The following NHSL1 variants were observed in gnomAD, a reference collection of about 807,000 sequenced individuals.
The protein encoded by NHSL1 is NHS-like protein 1.
In NHSL1, 48 loss-of-function variants were observed where a neutral mutation model predicts 95.0. The ratio of observed to expected loss-of-function variants is 0.51; its 90% CI spans 0.40 to 0.64. The LOEUF is 0.64. Among genes scored for constraint, NHSL1 ranks in the 30% least tolerant of loss-of-function variants. The probability of loss-of-function intolerance (pLI) is 0.00; values close to 1 mark genes in which losing one functional copy is unlikely to be tolerated. For missense variants in NHSL1, 1,971 were observed against 2,077.7 expected (o/e 0.95, Z 1.00); for synonymous variants, 783 against 833.9 (o/e 0.94, Z 1.05).
chr6:138,584,717 A>T (rs1784107640), intron 1 of NHSL1, among the ~76,000 whole-genome samples: 2 of 152,240 alleles, frequency 1.3e-5, no homozygotes, highest in South Asian at 4.1e-4. Context: ...TACCATGAAG[A>T]TATGCCACCA....
intron 1 of NHSL1, among the ~76,000 whole-genome samples, chr6:138,680,223 A>C (rs1785495948): frequency 6.6e-6 from 1 of 152,208 alleles, no homozygotes; most frequent in Non-Finnish European, 1.5e-5. Flanking sequence ...TTCAGCACAA[A>C]TCTTTGGTCT....
intron 1 of NHSL1, among the ~76,000 whole-genome samples, chr6:138,662,838 A>C (rs1023872821): frequency 1.3e-5 from 2 of 152,164 alleles, no homozygotes; most frequent in Non-Finnish European, 2.9e-5. Context: ...TCATGTACCT[A>C]TACCTGTTGT....
At chr6:138,462,024 A>T (rs1440984129) in intron 3 of NHSL1, among the ~76,000 whole-genome samples, 22 of 152,188 alleles carry the variant, frequency 1.4e-4, no homozygotes, top group Admixed American at 1.4e-3. Context: ...GGAAAGGGTG[A>T]GTCCATTAAG....
chr6:138,582,331 G>A lies in NHSL1; in HGVS notation c.97-85960C>T, dbSNP rs1001537824. On this transcript the variant is annotated intron_variant, in intron 1 of 3. Transcript: ENST00000491526. ...ATCCCTTTTCCCCTGAGGAATAACTGGATGACCATGAATGAGAATGTAAAA... is the reference window on the plus strand; with the variant it reads ...ATCCCTTTTCCCCTGAGGAATAACTAGATGACCATGAATGAGAATGTAAAA... Among the ~76,000 whole-genome samples the A allele has an allele frequency of 2.0e-5, 3 of 151,756 alleles. No homozygotes were observed. In the East Asian group the frequency reaches 5.8e-4, roughly 29 times the overall value.
At chr6:138,560,904 C>T (rs1033309960) in intron 1 of NHSL1, among the ~76,000 whole-genome samples, 9 of 152,100 alleles carry the variant, frequency 5.9e-5, no homozygotes, top group Admixed American at 5.2e-4. Flanking sequence ...GGAACTGTAT[C>T]GACAATAAAA....
chr6:138,590,312 A>T (rs529944007), intron 1 of NHSL1, among the ~76,000 whole-genome samples: 26 of 152,128 alleles, frequency 1.7e-4, no homozygotes, highest in African/African-American at 6.0e-4. Context: ...CATACCTTTC[A>T]TGTTGCTCTG....
rs1432188102 is a variant in NHSL1, at chr6:138,447,083, C to A, written c.450G>T (p.Ser150=). The part of the protein sequence containing the change: ...DLNTQTNWTK[S]LPLPTPEEKM... ...TCTCTTCTGGTGTTGGCAGTGGAAG[C>A]GACTTGGTCCAGTTCGTCTGAGTAT... Residue 150 remains serine (S), a synonymous_variant, in exon 4 of 8, where the codon TCG becomes TCT. Transcript: ENST00000343505. The A allele has an allele frequency of 2.6e-6, 4 of 1,551,546 alleles. No individual in the cohort carries two copies. Among genetic ancestry groups the A allele is most frequent in the South Asian group, 2.4e-5 (2 of 84,054 alleles).
intron 1 of NHSL1, among the ~76,000 whole-genome samples, chr6:138,523,652 A>AG (rs1781784334): frequency 6.7e-6 from 1 of 150,090 alleles, no homozygotes; most frequent in African/African-American, 2.4e-5. Flanking sequence ...AAAAAAAAAA[A>AG]CAGAGCTAAA....
At chr6:138,480,837 A>G (rs1779375684) in intron 2 of NHSL1, among the ~76,000 whole-genome samples, 1 of 152,196 alleles carries the variant, frequency 6.6e-6, no homozygotes, top group Admixed American at 6.5e-5. Flanking sequence ...AGCTAATACT[A>G]CTGACACTTT....
At chr6:138,509,470 C>T (rs1473682849) in intron 1 of NHSL1, among the ~76,000 whole-genome samples, 1 of 152,070 alleles carries the variant, frequency 6.6e-6, no homozygotes, top group Non-Finnish European at 1.5e-5. Context: ...AATCTATACT[C>T]GAAAGGGATT....
intron 1 of NHSL1, among the ~76,000 whole-genome samples, chr6:138,649,607 T>A (rs1785062627): frequency 1.3e-5 from 2 of 152,154 alleles, no homozygotes; most frequent in Non-Finnish European, 2.9e-5. Context: ...GGCATCGCCA[T>A]TAAACAGATG....
intron 2 of NHSL1, among the ~76,000 whole-genome samples, chr6:138,480,927 T>A (rs1335492839): frequency 2.0e-5 from 3 of 152,204 alleles, no homozygotes; most frequent in Non-Finnish European, 4.4e-5. Flanking sequence ...AAGCAGTTAT[T>A]GTATCAGTCT....
chr6:138,506,047 A>C (rs368308163), intron 1 of NHSL1, among the ~76,000 whole-genome samples: 2 of 152,330 alleles, frequency 1.3e-5, no homozygotes, highest in South Asian at 4.1e-4. Context: ...AGACTCATTG[A>C]AACATTGGAA....
At position 138,422,523 on chromosome 6, in the gene NHSL1, C is replaced by A. The variant is rs772195919; in HGVS notation, c.*1558G>T. Reference sequence around the variant, plus strand: ...CCCAAAAGCTGGCAGGTGGTAGTCGCACTAGATTCAGACCAAGACTCTCCG... The same window carrying A: ...CCCAAAAGCTGGCAGGTGGTAGTCGAACTAGATTCAGACCAAGACTCTCCG... On this transcript the variant is annotated 3_prime_UTR_variant, in exon 8 of 8. Transcript: ENST00000343505. The A allele has an allele frequency of 6.6e-6, 1 of 152,168 alleles. No individual in the cohort carries two copies. The highest frequency in any genetic ancestry group is 1.5e-5 in the Non-Finnish European group (1 of 68,044). 9.4% of individuals were successfully genotyped at this position (152,168 alleles called of 1,614,324 possible). A position where few individuals can be genotyped will look rare whatever the true frequency, so the allele number is the denominator to read the frequency against.
At chr6:138,671,648 G>A (rs189953534) in intron 1 of NHSL1, among the ~76,000 whole-genome samples, 12 of 152,192 alleles carry the variant, frequency 7.9e-5, no homozygotes, top group African/African-American at 2.7e-4. Flanking sequence ...AAGGCTCTAG[G>A]AGTCATATCT....
chr6:138,621,368 C>A (rs1784661024), intron 1 of NHSL1, among the ~76,000 whole-genome samples: 1 of 152,126 alleles, frequency 6.6e-6, no homozygotes, highest in Non-Finnish European at 1.5e-5. Context: ...GAGAACAACA[C>A]AAAGATCTCC....
At chr6:138,545,662 C>T (rs936832331) in exon 1 of NHSL1, 40 of 1,289,214 alleles carry the variant, frequency 3.1e-5, no homozygotes, top group Admixed American at 4.6e-5. Context: ...CATGGAGGGG[C>T]TGTGCTCTGT....
At chr6:138,490,535 A>C (rs1004567574) in intron 2 of NHSL1, among the ~76,000 whole-genome samples, 1 of 152,218 alleles carries the variant, frequency 6.6e-6, no homozygotes, top group African/African-American at 2.4e-5. Context: ...ATGACAACTA[A>C]GGGTGGATGC....
intron 1 of NHSL1, among the ~76,000 whole-genome samples, chr6:138,594,291 T>C (rs774713456): frequency 1.3e-5 from 2 of 152,108 alleles, no homozygotes; most frequent in Non-Finnish European, 2.9e-5. Flanking sequence ...CAGGACAAGG[T>C]GGGAGTATCT....
Sources: allele counts gnomAD v4.1 joint callset (sites outside exome capture counted in the v4.1 genomes callset), GRCh38; gene constraint gnomAD v4.1.1; transcripts MANE v1.5; gene names NCBI Gene and HGNC (gene_info 2026-07-23, HGNC 2026-07-21).